Variants in ASAP1 observed in about 807,000 individuals in gnomAD.
The protein encoded by ASAP1 is ArfGAP with SH3 domain, ankyrin repeat and PH domain 1.
ASAP1 carries 43 observed loss-of-function variants against 145.2 expected under a neutral mutation model. That is an observed-to-expected ratio of 0.30 (90% CI 0.23 to 0.38). The LOEUF (loss-of-function observed/expected upper bound fraction) is 0.38, where lower values mean the gene tolerates loss of function less well. Ranked by LOEUF, ASAP1 falls within the 10% of genes least tolerant of loss-of-function variation. The pLI, the probability that ASAP1 is intolerant of heterozygous loss-of-function variation, is 1.00. For synonymous variants in ASAP1, 546 were observed against 515.5 expected (o/e 1.06, Z -0.80); for missense variants, 1,018 against 1,355.3 (o/e 0.75, Z 3.91).
chr8:130,214,522 G>GT, intron 5 of ASAP1, 34 bp downstream of exon 5: 2 of 1,553,380 alleles, frequency 1.3e-6, no homozygotes, highest in South Asian at 1.2e-5. Context: ...TGGAAAGGCT[G>GT]TAATTCTTTT....
intron 2 of ASAP1, among the ~76,000 whole-genome samples, chr8:130,359,377 A>G (rs944246967): frequency 1.3e-5 from 2 of 152,126 alleles, no homozygotes; most frequent in African/African-American, 4.8e-5. Context: ...AGCTCAATCT[A>G]CTTAGTCCGA....
chr8:130,083,368 C>A (rs2097485672), intron 25 of ASAP1: 1 of 152,224 alleles, frequency 6.6e-6, no homozygotes, highest in Non-Finnish European at 1.5e-5. Flanking sequence ...TCAAAGAACA[C>A]CTTTAGAGTC....
intron 3 of ASAP1, among the ~76,000 whole-genome samples, chr8:130,267,601 A>T (rs1035881163): frequency 1.3e-5 from 2 of 152,228 alleles, no homozygotes; most frequent in Non-Finnish European, 2.9e-5. Flanking sequence ...ATCTCAGCAG[A>T]ACCCCTCTCC....
At chr8:130,183,354 T>C (rs1814499653) in intron 7 of ASAP1, among the ~76,000 whole-genome samples, 1 of 152,142 alleles carries the variant, frequency 6.6e-6, no homozygotes, top group African/African-American at 2.4e-5. Context: ...ATTGTTATTA[T>C]TTTTGAGACA....
chr8:130,072,241 G>T (rs2097448191), intron 27 of ASAP1, among the ~76,000 whole-genome samples: 1 of 152,152 alleles, frequency 6.6e-6, no homozygotes, highest in East Asian at 1.9e-4. Flanking sequence ...ATATAGCTTG[G>T]CTGTGTCCCC....
chr8:130,339,650 C>T (rs1393697370), intron 3 of ASAP1, among the ~76,000 whole-genome samples: 1 of 152,082 alleles, frequency 6.6e-6, no homozygotes, highest in East Asian at 1.9e-4. Context: ...AAACATAAAA[C>T]ACAATGCTAT....
chr8:130,128,318 A>G (rs1251593877), intron 15 of ASAP1, among the ~76,000 whole-genome samples: 2 of 152,060 alleles, frequency 1.3e-5, no homozygotes, highest in Non-Finnish European at 2.9e-5. Context: ...GGAAAATGAG[A>G]GAGAGGAGAG....
intron 13 of ASAP1, among the ~76,000 whole-genome samples, chr8:130,143,470 T>C (rs2097618086): frequency 6.6e-6 from 1 of 151,956 alleles, no homozygotes; most frequent in South Asian, 2.1e-4. Flanking sequence ...GTAAACTGTT[T>C]TTCCCAATTA....
At chr8:130,403,930 G>A (rs1828915740) in intron 1 of ASAP1, among the ~76,000 whole-genome samples, 1 of 152,090 alleles carries the variant, frequency 6.6e-6, no homozygotes, top group Non-Finnish European at 1.5e-5. Flanking sequence ...TGTTCTCTCT[G>A]TCTGGAAGGC....
rs143950972 is a variant in ASAP1 at position 130,240,412 on chromosome 8, A to G, written c.187-3418T>C. ...GACAGGGGATACTGTCCTTCAATCAAACAAGGCTCCCTCTAGAAATAATAC... is the reference window on the plus strand; with the variant it reads ...GACAGGGGATACTGTCCTTCAATCAGACAAGGCTCCCTCTAGAAATAATAC... On this transcript the variant is annotated intron_variant, in intron 3 of 29. Coordinates refer to ENST00000518721, the MANE Select transcript of ASAP1 (RefSeq NM_018482.4). Among the ~76,000 whole-genome samples the G allele has an allele frequency of 1.8e-4, 27 of 152,262 alleles. No individual in the cohort carries two copies. The East Asian group carries it at 4.8e-3, about 27-fold the overall frequency.
intron 28 of ASAP1, among the ~76,000 whole-genome samples, chr8:130,059,676 C>T (rs1037655791): frequency 2.0e-5 from 3 of 152,188 alleles, no homozygotes; most frequent in African/African-American, 7.2e-5. Context: ...GGAAACATTT[C>T]ATGAAAATGA....
chr8:130,292,531 GGC>G (rs1822009515), intron 3 of ASAP1, among the ~76,000 whole-genome samples: 1 of 152,206 alleles, frequency 6.6e-6, no homozygotes, highest in South Asian at 2.1e-4. Context: ...TGCTCTTCCA[GGC>G]TCTGAATCAG....
intron 5 of ASAP1, 32 bp from the exon 6 acceptor site, chr8:130,188,215 TAAAAAATAAAGTCC>T (rs2136223891): frequency 3.2e-6 from 5 of 1,546,108 alleles, no homozygotes; most frequent in Non-Finnish European, 4.5e-6. Context: ...GGGAGATGGT[TAAAAAATAAAGTCC>T]ACATGAACAA....
chr8:130,331,579 G>A (rs1824691470), intron 3 of ASAP1, among the ~76,000 whole-genome samples: 1 of 152,032 alleles, frequency 6.6e-6, no homozygotes, highest in Admixed American at 6.6e-5. Flanking sequence ...TAATTTTAGA[G>A]CCTTTTCTCA....
intron 1 of ASAP1, among the ~76,000 whole-genome samples, chr8:130,442,265 G>A (rs963241864): frequency 4.6e-5 from 7 of 152,156 alleles, no homozygotes; most frequent in African/African-American, 1.4e-4. Context: ...AAGGGGCATG[G>A]GACTGAGCCT....
rs1417197075 is a variant in ASAP1, at chr8:130,371,470, T to C, written c.60-13327A>G. Among the ~76,000 whole-genome samples the C allele has an allele frequency of 2.6e-5, 4 of 152,342 alleles. No homozygotes were observed. The East Asian group carries it at 7.7e-4, about 29-fold the overall frequency. On this transcript the variant is annotated intron_variant, in intron 2 of 29. Transcript: ENST00000518721. ...CAGTTTGATTCGGGGCAGCAATGTG[T>C]TTAGCTAAAAGACTCATCTTCCAGC...
intron 24 of ASAP1, among the ~76,000 whole-genome samples, chr8:130,098,730 T>A (rs1327928545): frequency 6.6e-6 from 1 of 152,202 alleles, no homozygotes; most frequent in South Asian, 2.1e-4. Context: ...TGTGTAATGA[T>A]CAAATCAGGG....
intron 4 of ASAP1, among the ~76,000 whole-genome samples, chr8:130,226,593 C>T (rs1268441182): frequency 3.3e-5 from 5 of 152,168 alleles, no homozygotes; most frequent in African/African-American, 1.2e-4. Context: ...AAGTCCTAAC[C>T]AAGCCTCAGC....
intron 1 of ASAP1, among the ~76,000 whole-genome samples, chr8:130,403,292 GTT>G (rs992999127): frequency 7.7e-6 from 1 of 129,594 alleles, no homozygotes; most frequent in African/African-American, 3.3e-5. Context: ...TTTAACAAGT[GTT>G]TTTTTTTAAA....
Sources: gnomAD v4.1 joint callset for allele counts (sites outside exome capture counted in the v4.1 genomes callset) on GRCh38, gnomAD v4.1.1 for gene constraint, MANE v1.5 for transcripts, NCBI Gene and HGNC (gene_info 2026-07-23, HGNC 2026-07-21) for gene names.